Variants in SPDYA observed in about 807,000 individuals in gnomAD.
SPDYA encodes the protein speedy/RINGO cell cycle regulator family member A.
Under a neutral mutation model 36.7 loss-of-function variants are expected in SPDYA, and 11 were observed. The observed-to-expected ratio is 0.30, with a 90% confidence interval of 0.19 to 0.50. The LOEUF (loss-of-function observed/expected upper bound fraction) is 0.50. Ranked by LOEUF, SPDYA falls within the 20% of genes least tolerant of loss-of-function variation. The probability of loss-of-function intolerance (pLI) is 0.98; values close to 1 mark genes in which losing one functional copy is unlikely to be tolerated. For missense variants in SPDYA, 287 were observed against 370.9 expected, an observed-to-expected ratio of 0.77 and a Z score of 1.86; for synonymous variants, 115 against 118.7, an observed-to-expected ratio of 0.97 and a Z score of 0.20.
At chr2:28,824,050 T>C (rs1046967588) in intron 5 of SPDYA, among the ~76,000 whole-genome samples, 3 of 151,688 alleles carry the variant, frequency 2.0e-5, no homozygotes, top group African/African-American at 7.3e-5. Flanking sequence ...CCCAGCCATA[T>C]GAATATAATT....
chr2:28,840,046 T>C (rs1668711766), intron 6 of SPDYA, 126 bp from the exon 7 acceptor site: 1 of 883,088 alleles, frequency 1.1e-6, no homozygotes, highest in Non-Finnish European at 1.7e-6. Context: ...CTTTGTTTTT[T>C]AAATCAGCAA....
intron 3 of SPDYA, among the ~76,000 whole-genome samples, chr2:28,817,143 A>G (rs1314666318): frequency 6.6e-6 from 1 of 152,254 alleles, no homozygotes; most frequent in African/African-American, 2.4e-5. Flanking sequence ...AATGTTAATA[A>G]AAGTTCCCCT....
intron 5 of SPDYA, 90 bp downstream of exon 5, chr2:28,822,500 A>G (rs920469599): frequency 2.0e-5 from 11 of 542,774 alleles, no homozygotes; most frequent in South Asian, 8.5e-5. Flanking sequence ...AACCTTATGT[A>G]TATCTTTGAA....
chr2:28,812,902 C>T (rs1459369992), intron 1 of SPDYA, among the ~76,000 whole-genome samples: 1 of 150,872 alleles, frequency 6.6e-6, no homozygotes, highest in Non-Finnish European at 1.5e-5. Flanking sequence ...ACCTGATGAG[C>T]ACAGTTTCTC....
intron 5 of SPDYA, among the ~76,000 whole-genome samples, chr2:28,827,688 T>G (rs1668366255): frequency 2.6e-5 from 4 of 152,182 alleles, no homozygotes; most frequent in Admixed American, 2.6e-4. Context: ...TTATCACTGG[T>G]TTTGAGCAAT....
chr2:28,820,475 A>G, intron 4 of SPDYA, among the ~76,000 whole-genome samples: 1 of 151,798 alleles, frequency 6.6e-6, no homozygotes, highest in East Asian at 1.9e-4. Flanking sequence ...AGTCCCAGCT[A>G]CTCGGGAGGC....
rs185000724 is a variant in SPDYA at position 28,835,432 on chromosome 2, T to C, written c.553-4740T>C. ...TGTATTTTTAGTAGAGACAGGGTTT[T>C]CACCATGGTGGCCAGGCTGGTCTCA... On this transcript the variant is annotated intron_variant, in intron 6 of 7. Transcript: ENST00000334056. Among the ~76,000 whole-genome samples the C allele has an allele frequency of 4.0e-4, 61 of 152,272 alleles. No homozygotes were observed. In the East Asian group the frequency reaches 0.011, roughly 28 times the overall value.
intron 5 of SPDYA, among the ~76,000 whole-genome samples, chr2:28,827,599 G>A (rs1029037617): frequency 1.3e-5 from 2 of 151,998 alleles, no homozygotes; most frequent in African/African-American, 4.8e-5. Flanking sequence ...TTTCCAATGA[G>A]AAATCTACCC....
intron 5 of SPDYA, among the ~76,000 whole-genome samples, chr2:28,828,862 A>T (rs956097574): frequency 1.3e-5 from 2 of 152,246 alleles, no homozygotes; most frequent in Non-Finnish European, 2.9e-5. Context: ...ACATTGTTCC[A>T]GATCCACCTA....
chr2:28,837,946 A>G (rs752668842), intron 6 of SPDYA, among the ~76,000 whole-genome samples: 6 of 151,682 alleles, frequency 4.0e-5, no homozygotes, highest in Non-Finnish European at 8.8e-5. Context: ...CCAAGTATCA[A>G]ATTTTAGGAA....
At chr2:28,838,178 ATT>A (rs61135451) in intron 6 of SPDYA, among the ~76,000 whole-genome samples, 25,018 of 115,176 alleles carry the variant, frequency 0.22, 2,509 homozygotes, top group Non-Finnish European at 0.26. Context: ...GAAGTAACGG[ATT>A]TTTTTTTTTT....
chr2:28,841,015 G>A (rs1668739764), intron 7 of SPDYA, among the ~76,000 whole-genome samples: 1 of 144,224 alleles, frequency 6.9e-6, no homozygotes, highest in African/African-American at 2.5e-5. Flanking sequence ...GCTTACTGCA[G>A]CCTCCGCCTC....
At chr2:28,838,634 G>C (rs1205439419) in intron 6 of SPDYA, among the ~76,000 whole-genome samples, 1 of 152,074 alleles carries the variant, frequency 6.6e-6, no homozygotes, top group Non-Finnish European at 1.5e-5. Flanking sequence ...TATTTTCCTA[G>C]GTGGGTTAGT....
chr2:28,840,246 C>T lies in SPDYA; in HGVS notation c.627C>T (p.Asn209=), dbSNP rs753559058. 1.9e-6 allele frequency: 3 copies of T among 1,614,108 alleles called. No individual in the cohort carries two copies. The Admixed American group carries it at 5.0e-5, about 27-fold the overall frequency. ...TTCATCACAGTGGAGCTGTCAGAAA[C>T]TACAACAGAGATGAAGTTCAGCTGC... ...RSVHHSGAVR[N]YNRDEVQLPR... Residue 209 remains asparagine, a synonymous_variant, in exon 7 of 8, where the codon AAC becomes AAT. Coordinates refer to ENST00000334056, the MANE Select transcript of SPDYA (RefSeq NM_182756.4).
Position 28,819,158 on chromosome 2 carries a change from C to A in SPDYA, c.294+52C>A, listed in dbSNP as rs764388733. On this transcript the variant is annotated intron_variant, in intron 4 of 7. Transcript: ENST00000334056. ...AACCAGCATTATAATGTAACTGAAC[C>A]ATTAGAGCTTTAATGAGACCTTATA... 3.8e-6 allele frequency: 5 copies of A among 1,333,138 alleles called. No individual in the cohort carries two copies. In the South Asian group the frequency reaches 3.8e-5, roughly 10 times the overall value. 82.6% of individuals were successfully genotyped at this position (1,333,138 alleles called of 1,614,324 possible). A position where few individuals can be genotyped will look rare whatever the true frequency, so the allele number is the denominator to read the frequency against.
Position 28,850,147 on chromosome 2 carries a change from T to A in SPDYA, c.*206T>A. On this transcript the variant is annotated 3_prime_UTR_variant, in exon 8 of 8. Coordinates refer to ENST00000334056, the MANE Select transcript of SPDYA (RefSeq NM_182756.4). ...GGAAGCAGTGATTTTCAATATAAAG[T>A]TCTATTTTGATATTTTTCCATCTTC... The A allele has an allele frequency of 6.6e-7, 1 of 1,507,748 alleles. No homozygotes were observed. Among genetic ancestry groups the A allele is most frequent in the Non-Finnish European group, 9.1e-7 (1 of 1,093,206 alleles). 93.4% of individuals were successfully genotyped at this position (1,507,748 alleles called of 1,614,324 possible).
chr2:28,823,003 TTAGA>T (rs1182663618), intron 5 of SPDYA, among the ~76,000 whole-genome samples: 1 of 130,872 alleles, frequency 7.6e-6, no homozygotes, highest in Non-Finnish European at 1.7e-5. Flanking sequence ...TCTTTGTGAC[TTAGA>T]TATTTTTTAA....
intron 6 of SPDYA, among the ~76,000 whole-genome samples, chr2:28,837,783 C>T (rs994958993): frequency 1.3e-5 from 2 of 149,802 alleles, no homozygotes; most frequent in Admixed American, 1.3e-4. Context: ...CATGCCTATC[C>T]CTGTCTGCTC....
intron 3 of SPDYA, among the ~76,000 whole-genome samples, chr2:28,818,202 A>T (rs755941476): frequency 1.2e-4 from 18 of 152,162 alleles, no homozygotes; most frequent in Non-Finnish European, 2.4e-4. Flanking sequence ...AGAAATTCTT[A>T]TTCTCAGGAA....
Sources: allele counts gnomAD v4.1 joint callset (sites outside exome capture counted in the v4.1 genomes callset), GRCh38; gene constraint gnomAD v4.1.1; transcripts MANE v1.5; gene names NCBI Gene and HGNC (gene_info 2026-07-23, HGNC 2026-07-21).